The following TMEM200C variants were observed in gnomAD, a reference collection of about 807,000 sequenced individuals.
TMEM200C encodes the protein transmembrane protein TTMA.
For missense variants in TMEM200C, 966 were observed against 699.9 expected (o/e 1.38, Z -4.29); for synonymous variants, 462 against 324.7 (o/e 1.42, Z -4.55).
In TMEM200C at chr18:5,891,789, G is replaced by A. The variant is rs929706243; in HGVS notation, c.275C>T (p.Ala92Val). The stretch of plus-strand genomic sequence containing the variant: ...GGTTGGGACCCGGTGGCTGCTGCCC[G>A]CAGGCGGCAGCTGCTTACCCCCCTC... Residue 92 changes from alanine (A) to valine (V), a missense_variant, in exon 3 of 3, where the codon GCG (alanine) becomes GTG (valine). Transcript: ENST00000581347. The surrounding 1 kb of genome is among the most constrained non-coding windows in gnomAD (Gnocchi z 4.7). 1 of 1,605,562 alleles carries A rather than the reference G, an allele frequency of 6.2e-7. No individual in the cohort carries two copies. Among genetic ancestry groups the A allele is most frequent in the Non-Finnish European group, 8.5e-7 (1 of 1,177,406 alleles).
chr18:5,883,614 A>T (rs1437884486), exon 3 of TMEM200C: 1 of 152,182 alleles, frequency 6.6e-6, no homozygotes, highest in Non-Finnish European at 1.5e-5. Flanking sequence ...ACAAAGATAA[A>T]TTATTTATGT....
In TMEM200C at chr18:5,891,634, AGG is replaced by A; in HGVS notation, c.428_429del (p.Ser143PhefsTer20). The A allele has an allele frequency of 6.2e-7, 1 of 1,613,668 alleles. No individual in the cohort carries two copies. Among genetic ancestry groups the A allele is most frequent in the African/African-American group, 1.3e-5 (1 of 74,952 alleles). On this transcript the variant is annotated frameshift_variant, in exon 3 of 3. Transcript: ENST00000581347. LOFTEE classifies it low-confidence loss of function (END_TRUNC). This position sits in a 1 kb window ranked among gnomAD's most constrained non-coding sequence, Gnocchi z 4.7. Reference sequence around the variant, plus strand: ...AAGAAGCCCACGGACGTGGAGGAGGAGGACGGGGAGGCGGCTCGTGCTGGAGG... The same window carrying A: ...AAGAAGCCCACGGACGTGGAGGAGGAACGGGGAGGCGGCTCGTGCTGGAGG...
rs761779515 is a variant in TMEM200C, at chr18:5,891,551, G to A, written c.513C>T (p.Leu171=). The stretch of plus-strand genomic sequence containing the variant: ...AGAGGAAGATGCCGATGCCCATGAT[G>A]AGGGGCCCGAAGACCTTGAGCTTGT... Residue 171 remains leucine (L), a synonymous_variant, in exon 3 of 3, where the codon CTC becomes CTT. Transcript: ENST00000581347. This position sits in a 1 kb window ranked among gnomAD's most constrained non-coding sequence, Gnocchi z 4.7. 1 of 1,613,722 alleles carries A rather than the reference G, an allele frequency of 6.2e-7. No individual in the cohort carries two copies. The highest frequency in any genetic ancestry group is 8.5e-7 in the Non-Finnish European group (1 of 1,179,808).
chr18:5,886,098 G>A (rs2095165150), exon 3 of TMEM200C: 1 of 151,876 alleles, frequency 6.6e-6, no homozygotes, highest in African/African-American at 2.4e-5. Flanking sequence ...TACTTAGTCT[G>A]TACTAATTTT....
chr18:5,886,906 T>C (rs899874859), exon 3 of TMEM200C: 7 of 152,210 alleles, frequency 4.6e-5, no homozygotes, highest in Non-Finnish European at 1.0e-4. Flanking sequence ...GTTTAGCAGT[T>C]GATTCTATTT....
In TMEM200C at chr18:5,891,793, G is replaced by T; in HGVS notation, c.271C>A (p.Pro91Thr). 6.2e-7 allele frequency: 1 copy of T among 1,605,984 alleles called. No individual in the cohort carries two copies. Among genetic ancestry groups the T allele is most frequent in the Non-Finnish European group, 8.5e-7 (1 of 1,177,776 alleles). Residue 91 changes from proline (P) to threonine (T), a missense_variant, in exon 3 of 3, where the codon CCT becomes ACT. Physicochemically the swap from Pro to Thr is conservative, Grantham distance 38. Transcript: ENST00000581347. This position sits in a 1 kb window ranked among gnomAD's most constrained non-coding sequence, Gnocchi z 4.7. ...GGGACCCGGTGGCTGCTGCCCGCAG[G>T]CGGCAGCTGCTTACCCCCCTCCCGA...
At position 5,891,685 on chromosome 18, in the gene TMEM200C, A is replaced by C. The variant is rs1240529428; in HGVS notation, c.379T>G (p.Ser127Ala). Residue 127 changes from serine (S) to alanine (A), a missense_variant, in exon 3 of 3, where the codon TCC (serine) becomes GCC (alanine). Transcript: ENST00000581347. The surrounding 1 kb of genome is among the most constrained non-coding windows in gnomAD (Gnocchi z 4.7). ...GGCGTGCTCCTGGGCGCGCCCGCGG[A>C]ACTGGAGTTGACACCCCCTGGAGCC... 6.2e-7 allele frequency: 1 copy of C among 1,613,562 alleles called. No homozygotes were observed. The highest frequency in any genetic ancestry group is 1.1e-5 in the South Asian group (1 of 91,064).
intron 2 of TMEM200C, among the ~76,000 whole-genome samples, chr18:5,894,424 C>T: frequency 6.6e-6 from 1 of 152,134 alleles, no homozygotes; most frequent in East Asian, 1.9e-4. Flanking sequence ...CACGGGAGAC[C>T]CACCTTTGAG....
At chr18:5,887,302 A>G (rs1048411828) in exon 3 of TMEM200C, 1 of 152,174 alleles carries the variant, frequency 6.6e-6, no homozygotes, top group Non-Finnish European at 1.5e-5. Flanking sequence ...ACTCTTATTT[A>G]TTGTGTACAA....
exon 1 of TMEM200C, chr18:5,895,859 C>T (rs1348770142): frequency 6.6e-6 from 1 of 151,884 alleles, no homozygotes; most frequent in Non-Finnish European, 1.5e-5. Flanking sequence ...AACTACCTGT[C>T]TGAGCCGCGG....
Position 5,891,170 on chromosome 18 carries a change from G to C in TMEM200C, c.894C>G (p.Gly298=). The change falls in exon 3 of 3, where the codon GGC becomes GGG. Residue 298 remains glycine (G), a synonymous_variant. Transcript: ENST00000581347. This position sits in a 1 kb window ranked among gnomAD's most constrained non-coding sequence, Gnocchi z 4.7. ...AGGCCAGGTCCGGCGGGGACGCGGCGCCCCGAGGGCGGCCGCCGCTCGGCG... is the reference window on the plus strand; with the variant it reads ...AGGCCAGGTCCGGCGGGGACGCGGCCCCCCGAGGGCGGCCGCCGCTCGGCG... The C allele has an allele frequency of 1.6e-6, 1 of 634,234 alleles. No individual in the cohort carries two copies. The highest frequency in any genetic ancestry group is 2.3e-6 in the Non-Finnish European group (1 of 441,660). 39.3% of individuals were successfully genotyped at this position (634,234 alleles called of 1,614,324 possible).
At chr18:5,888,261 T>A (rs1050256816) in exon 3 of TMEM200C, 1 of 152,242 alleles carries the variant, frequency 6.6e-6, no homozygotes, top group African/African-American at 2.4e-5. Flanking sequence ...TACACTTGCA[T>A]GTCACTCCTT....
At chr18:5,887,417 T>G (rs1283591798) in exon 3 of TMEM200C, 1 of 152,202 alleles carries the variant, frequency 6.6e-6, no homozygotes, top group African/African-American at 2.4e-5. Context: ...TTTCTGCATT[T>G]CTCTAAGAAT....
Position 5,891,397 on chromosome 18 carries a change from C to T in TMEM200C, c.667G>A (p.Ala223Thr). The T allele has an allele frequency of 7.5e-7, 1 of 1,338,720 alleles. No individual in the cohort carries two copies. The highest frequency in any genetic ancestry group is 2.0e-5 in the South Asian group (1 of 48,938). 82.9% of individuals were successfully genotyped at this position (1,338,720 alleles called of 1,614,324 possible). A position where few individuals can be genotyped will look rare whatever the true frequency, so the allele number is the denominator to read the frequency against. The change falls in exon 3 of 3, where the codon GCC becomes ACC. Residue 223 changes from alanine to threonine, a missense_variant. Transcript: ENST00000581347. This position sits in a 1 kb window ranked among gnomAD's most constrained non-coding sequence, Gnocchi z 4.7. ...GAGGCGGCGGCGGCCGCGGCGGCGG[C>T]CGCGGCGGCCGCCAGGTCTTTGGCG...
chr18:5,884,042 T>C (rs1309138122), exon 3 of TMEM200C: 1 of 152,164 alleles, frequency 6.6e-6, no homozygotes, highest in Non-Finnish European at 1.5e-5. Context: ...AATGAATCAT[T>C]AAATATAGAA....
chr18:5,894,166 C>T (rs1399639134), intron 2 of TMEM200C, among the ~76,000 whole-genome samples: 2 of 152,060 alleles, frequency 1.3e-5, no homozygotes, highest in African/African-American at 2.4e-5. Flanking sequence ...TCAGGTGCGC[C>T]GGGAGGCTGG....
chr18:5,887,779 G>T (rs7507110), exon 3 of TMEM200C: 1 of 152,018 alleles, frequency 6.6e-6, no homozygotes, highest in Non-Finnish European at 1.5e-5. Context: ...TGAAAGTTAC[G>T]ATTGTGAATT....
Position 5,891,816 on chromosome 18 carries a change from C to G in TMEM200C, c.248G>C (p.Arg83Pro), listed in dbSNP as rs751613573. ...AGGCGGCAGCTGCTTACCCCCCTCC[C>G]GATTGGTCCCGGTGGCCTTGGGCCA... is the stretch of plus-strand genomic sequence containing the variant. The change falls in exon 3 of 3, where the codon CGG becomes CCG. Residue 83 changes from arginine (R) to proline (P), a missense_variant. By Grantham distance (103) the Arg-to-Pro change is moderately radical. Coordinates refer to ENST00000581347, the Ensembl canonical transcript of TMEM200C. The surrounding 1 kb of genome is among the most constrained non-coding windows in gnomAD (Gnocchi z 4.7). 8 of 1,605,176 alleles carry G rather than the reference C, an allele frequency of 5.0e-6. No homozygotes were observed. The Admixed American group carries it at 5.0e-5, about 10-fold the overall frequency.
chr18:5,885,854 TTA>T (rs1261039923), exon 3 of TMEM200C: 1 of 152,122 alleles, frequency 6.6e-6, no homozygotes, highest in Non-Finnish European at 1.5e-5. Flanking sequence ...ATTCAAAAAT[TTA>T]GTCTAAATAT....
Sources: gnomAD v4.1 joint callset for allele counts (sites outside exome capture counted in the v4.1 genomes callset) on GRCh38, gnomAD v4.1.1 for gene constraint, Gnocchi (gnomAD v3.1) non-coding constraint, MANE v1.5 for transcripts, NCBI Gene and HGNC (gene_info 2026-07-23, HGNC 2026-07-21) for gene names.